SENP6: variants seen among roughly 807,000 people sequenced by gnomAD.
The protein encoded by SENP6 is sentrin-specific protease 6.
In SENP6, 41 loss-of-function variants were observed where a neutral mutation model predicts 134.5. That is an observed-to-expected ratio of 0.30 (90% CI 0.24 to 0.40). The LOEUF is 0.40. Among genes scored for constraint, SENP6 ranks in the 10% least tolerant of loss-of-function variants. The pLI, the probability that SENP6 is intolerant of heterozygous loss-of-function variation, is 1.00. For missense variants in SENP6, 1,248 were observed against 1,312.5 expected, an observed-to-expected ratio of 0.95 and a Z score of 0.76; for synonymous variants, 395 against 429.8, an observed-to-expected ratio of 0.92 and a Z score of 1.00.
At chr6:75,673,519 A>T (rs1772848497) in intron 11 of SENP6, among the ~76,000 whole-genome samples, 1 of 150,864 alleles carries the variant, frequency 6.6e-6, no homozygotes. Context: ...AGATGGTGTT[A>T]CATCATCTTG....
chr6:75,630,777 CATT>C (rs1489767058), intron 3 of SENP6, among the ~76,000 whole-genome samples: 1 of 151,816 alleles, frequency 6.6e-6, no homozygotes, highest in Non-Finnish European at 1.5e-5. Context: ...ACATTTTAGT[CATT>C]ATCTCTGTGG....
chr6:75,625,059 A>G (rs1455344399), intron 3 of SENP6, among the ~76,000 whole-genome samples: 1 of 149,470 alleles, frequency 6.7e-6, no homozygotes, highest in Non-Finnish European at 1.5e-5. Context: ...TTTTGGAGAA[A>G]TTGGCCCTTT....
At chr6:75,667,604 A>G (rs1772345118) in intron 10 of SENP6, among the ~76,000 whole-genome samples, 1 of 152,236 alleles carries the variant, frequency 6.6e-6, no homozygotes, top group African/African-American at 2.4e-5. Context: ...ATCCAAGGGA[A>G]AGGACACTTT....
chr6:75,707,099 A>G (rs1775451729), intron 19 of SENP6, among the ~76,000 whole-genome samples: 1 of 152,000 alleles, frequency 6.6e-6, no homozygotes, highest in East Asian at 1.9e-4. Context: ...CATTTAGGTT[A>G]TTTTTCTCCT....
chr6:75,627,005 C>T (rs951888096), intron 3 of SENP6, among the ~76,000 whole-genome samples: 1 of 151,900 alleles, frequency 6.6e-6, no homozygotes, highest in African/African-American at 2.4e-5. Flanking sequence ...CACTCTGTTG[C>T]CCAGGTTGGA....
Position 75,718,000 on chromosome 6 carries a change from T to C in SENP6, c.*2406T>C, listed in dbSNP as rs1234898382. 6.6e-6 allele frequency: 1 copy of C among 152,194 alleles called. No homozygotes were observed. Among genetic ancestry groups the C allele is most frequent in the East Asian group, 1.9e-4 (1 of 5,206 alleles). The allele number at this position is 152,194 out of a possible 1,614,324, so 9.4% of individuals were successfully genotyped here. On this transcript the variant is annotated 3_prime_UTR_variant, in exon 24 of 24. Transcript: ENST00000447266. Reference sequence around the variant, plus strand: ...TTAATGGTATTATTTCAAGTTCACATAACCCTAAAAAAGGTTTTCTTTGTG... The same window carrying C: ...TTAATGGTATTATTTCAAGTTCACACAACCCTAAAAAAGGTTTTCTTTGTG...
intron 1 of SENP6, among the ~76,000 whole-genome samples, chr6:75,614,178 A>G (rs1328048494): frequency 6.6e-6 from 1 of 151,696 alleles, no homozygotes; most frequent in Admixed American, 6.6e-5. Context: ...CATGATGTCA[A>G]TTTGTCTTGT....
intron 1 of SENP6, among the ~76,000 whole-genome samples, chr6:75,610,505 A>C (rs150848149): frequency 8.9e-4 from 135 of 152,326 alleles, no homozygotes; most frequent in Non-Finnish European, 1.6e-3. Context: ...TCTGTGCCAT[A>C]TCCATTTGAC....
intron 18 of SENP6, among the ~76,000 whole-genome samples, chr6:75,702,218 CT>C (rs200531593): frequency 0.032 from 4,231 of 133,296 alleles, 120 homozygotes; most frequent in East Asian, 0.14. Flanking sequence ...AAAAAATAGG[CT>C]TTTTTTTTTT....
chr6:75,634,454 G>A (rs766557923), intron 4 of SENP6, among the ~76,000 whole-genome samples: 1 of 152,010 alleles, frequency 6.6e-6, no homozygotes, highest in Non-Finnish European at 1.5e-5. Flanking sequence ...CAGCATGTTG[G>A]CTGGGCTGGT....
rs532285419 is a variant in SENP6, at chr6:75,617,330, A to G, written c.53-4202A>G. Among the ~76,000 whole-genome samples, 132 of 123,038 alleles carry G rather than the reference A, an allele frequency of 1.1e-3. 1 individual carries two copies. The highest frequency in any genetic ancestry group is 7.2e-3 in the Middle Eastern group (1 of 138). The allele number at this position is 123,038 out of a possible 152,430, so 80.7% of individuals were successfully genotyped here. A position where few individuals can be genotyped will look rare whatever the true frequency, so the allele number is the denominator to read the frequency against. On this transcript the variant is annotated intron_variant, in intron 1 of 23. Transcript: ENST00000447266. ...CTCTTGTTGCCCAGGCTGGAGTGCA[A>G]TGGCGTGATCTTGGCTCACTGCGAC...
rs1343307490 is a variant in SENP6 at position 75,717,145 on chromosome 6, AAAAC to A, written c.*1554_*1557del. 1 of 152,058 alleles carries A rather than the reference AAAAC, an allele frequency of 6.6e-6. No homozygotes were observed. Among genetic ancestry groups the A allele is most frequent in the East Asian group, 1.9e-4 (1 of 5,200 alleles). 9.4% of individuals were successfully genotyped at this position (152,058 alleles called of 1,614,324 possible). ...CAGATATCTTAATTAGCTCATATGAAAAACAAGTTTAATTTTATTATTTACTGAA... is the reference window on the plus strand; with the variant it reads ...CAGATATCTTAATTAGCTCATATGAAAAGTTTAATTTTATTATTTACTGAA... On this transcript the variant is annotated 3_prime_UTR_variant, in exon 24 of 24. Transcript: ENST00000447266.
intron 3 of SENP6, among the ~76,000 whole-genome samples, chr6:75,629,119 G>A (rs1768916298): frequency 6.6e-6 from 1 of 152,104 alleles, no homozygotes; most frequent in African/African-American, 2.4e-5. Flanking sequence ...TTAGGTACTG[G>A]CCTTCCAGAT....
intron 1 of SENP6, among the ~76,000 whole-genome samples, chr6:75,603,788 ATTC>A (rs1273471702): frequency 3.3e-5 from 5 of 152,112 alleles, no homozygotes; most frequent in Non-Finnish European, 4.4e-5. Flanking sequence ...ATTTTTCTTA[ATTC>A]TTCTTACTTG....
At chr6:75,684,511 T>G (rs1773692822) in intron 16 of SENP6, among the ~76,000 whole-genome samples, 1 of 152,216 alleles carries the variant, frequency 6.6e-6, no homozygotes, top group Non-Finnish European at 1.5e-5. Context: ...TTTTGCCCAT[T>G]CAGGATGATA....
intron 1 of SENP6, among the ~76,000 whole-genome samples, chr6:75,604,282 C>A (rs575155751): frequency 2.0e-5 from 3 of 152,230 alleles, no homozygotes; most frequent in Admixed American, 1.3e-4. Flanking sequence ...CGAGTTTCAC[C>A]ATGTCTTAAG....
intron 5 of SENP6, among the ~76,000 whole-genome samples, chr6:75,640,450 T>G (rs1377453078): frequency 6.8e-6 from 1 of 147,746 alleles, no homozygotes; most frequent in Non-Finnish European, 1.5e-5. Context: ...CCTTTTAAGA[T>G]TTTTTTATAT....
Position 75,659,410 on chromosome 6 carries a change from A to G in SENP6, c.696+3A>G. The G allele has an allele frequency of 2.5e-6, 4 of 1,599,098 alleles. No homozygotes were observed. The highest frequency in any genetic ancestry group is 3.4e-6 in the Non-Finnish European group (4 of 1,170,536). On this transcript the variant is annotated splice_donor_region_variant and intron_variant, in intron 8 of 23. Transcript: ENST00000447266. Reference sequence around the variant, plus strand: ...AAAAATGTTTAACCCATTTAGAGGTAAGTAGAGAAATTATTCTTTGTTGCT... The same window carrying G: ...AAAAATGTTTAACCCATTTAGAGGTGAGTAGAGAAATTATTCTTTGTTGCT...
chr6:75,712,512 G>T, intron 21 of SENP6, among the ~76,000 whole-genome samples: 1 of 151,040 alleles, frequency 6.6e-6, no homozygotes, highest in East Asian at 1.9e-4. Context: ...CGCCATCTCT[G>T]GAAAAAGTTA....
Sources: gnomAD v4.1 joint callset for allele counts (sites outside exome capture counted in the v4.1 genomes callset) on GRCh38, gnomAD v4.1.1 for gene constraint, MANE v1.5 for transcripts, NCBI Gene and HGNC (gene_info 2026-07-23, HGNC 2026-07-21) for gene names.